The following KCNJ4 variants were observed in gnomAD, a reference collection of about 807,000 sequenced individuals.
KCNJ4 encodes potassium inwardly rectifying channel subfamily J member 4, also known as inward rectifier potassium channel 4.
A neutral mutation model predicts 25.6 loss-of-function variants in KCNJ4; 3 were observed. That is an observed-to-expected ratio of 0.12 (90% confidence interval 0.05 to 0.30). The LOEUF (loss-of-function observed/expected upper bound fraction) is 0.30. Ranked by LOEUF, KCNJ4 falls within the 10% of genes least tolerant of loss-of-function variation. The probability of loss-of-function intolerance (pLI) is 1.00; values close to 1 mark genes in which losing one functional copy is unlikely to be tolerated. For missense variants in KCNJ4, 286 were observed against 666.8 expected, an observed-to-expected ratio of 0.43 and a Z score of 6.29; for synonymous variants, 257 against 283.9, an observed-to-expected ratio of 0.91 and a Z score of 0.95.
At chr22:38,452,092 G>A (rs1270360864) in intron 1 of KCNJ4, among the ~76,000 whole-genome samples, 1 of 152,220 alleles carries the variant, frequency 6.6e-6, no homozygotes, top group Non-Finnish European at 1.5e-5. Context: ...GAGGCATGAG[G>A]CATTGAAGCC....
chr22:38,447,314 G>A (rs1271446774), intron 1 of KCNJ4, among the ~76,000 whole-genome samples: 1 of 152,186 alleles, frequency 6.6e-6, no homozygotes, highest in African/African-American at 2.4e-5. Flanking sequence ...GAACAGTGAG[G>A]AGGGACTTGA....
chr22:38,441,452 T>A (rs1055947962), intron 1 of KCNJ4, among the ~76,000 whole-genome samples: 3 of 151,420 alleles, frequency 2.0e-5, no homozygotes, highest in African/African-American at 7.3e-5. Context: ...GGGGTGGGGG[T>A]GAGGTGGTGT....
At chr22:38,450,096 G>T (rs552142070) in intron 1 of KCNJ4, among the ~76,000 whole-genome samples, 1 of 152,224 alleles carries the variant, frequency 6.6e-6, no homozygotes, top group Non-Finnish European at 1.5e-5. Flanking sequence ...TTTGAGCAGC[G>T]ATCAGCCCAC....
chr22:38,428,074 C>A lies in KCNJ4; in HGVS notation c.59G>T (p.Arg20Leu). The A allele has an allele frequency of 6.2e-7, 1 of 1,613,932 alleles. No homozygotes were observed. The highest frequency in any genetic ancestry group is 2.2e-5 in the East Asian group (1 of 44,874). Residue 20 changes from arginine to leucine, a missense_variant, in exon 2 of 2, where the codon CGC (arginine) becomes CTC (leucine). Around this residue, in one of 11 missense-constraint regions of KCNJ4, gnomAD observed 32 missense variants for 38.4 expected, o/e 0.83. Transcript: ENST00000303592. The stretch of plus-strand genomic sequence containing the variant: ...GCATTGGCCGTTCTTCTTGACGAAG[C>A]GGTTGCGGCGCTTCCGCCGGGGCAC... ...AHVPRRKRRN[R>L]FVKKNGQCNV... is the part of the protein sequence containing the mutation.
At chr22:38,450,242 C>G (rs2145949239) in intron 1 of KCNJ4, among the ~76,000 whole-genome samples, 1 of 152,254 alleles carries the variant, frequency 6.6e-6, no homozygotes, top group Non-Finnish European at 1.5e-5. Flanking sequence ...CCCTAGGATT[C>G]CCGCCTGCCC....
In KCNJ4 at chr22:38,428,171, C is replaced by A. The variant is rs780400598; in HGVS notation, c.-39G>T. 6 of 1,575,628 alleles carry A rather than the reference C, an allele frequency of 3.8e-6. No individual in the cohort carries two copies. Among genetic ancestry groups the A allele is most frequent in the African/African-American group, 1.3e-5 (1 of 74,304 alleles). Reference sequence around the variant, plus strand: ...CGTGGTCACCTGGGAAGACGCAGGGCCTGCGGAGGAGAAGCCGGACAGGTG... The same window carrying A: ...CGTGGTCACCTGGGAAGACGCAGGGACTGCGGAGGAGAAGCCGGACAGGTG... On this transcript the variant is annotated splice_region_variant and 5_prime_UTR_variant, in exon 2 of 2. Coordinates refer to ENST00000303592, the MANE Select transcript of KCNJ4 (RefSeq NM_152868.3).
rs933800339 is a variant in KCNJ4, at chr22:38,443,516, A to G, written c.-40+11464T>C. Reference sequence around the variant, plus strand: ...TGTGACTCCTCCCAGGAGGTCGCTCAGGCCTGACACCTAGGCATCATCCTC... The same window carrying G: ...TGTGACTCCTCCCAGGAGGTCGCTCGGGCCTGACACCTAGGCATCATCCTC... On this transcript the variant is annotated intron_variant, in intron 1 of 1. Coordinates refer to ENST00000303592, the MANE Select transcript of KCNJ4 (RefSeq NM_152868.3). The surrounding 1 kb of genome is among the most constrained non-coding windows in gnomAD (Gnocchi z 4.1). 6.7e-4 allele frequency among the ~76,000 whole-genome samples: 102 copies of G among 152,272 alleles called. No individual in the cohort carries two copies. Among genetic ancestry groups the G allele is most frequent in the African/African-American group, 2.4e-3 (98 of 41,548 alleles).
chr22:38,453,025 A>T (rs755457729), intron 1 of KCNJ4, among the ~76,000 whole-genome samples: 2 of 59,758 alleles, frequency 3.3e-5, no homozygotes, highest in Non-Finnish European at 6.6e-5. Context: ...CCCCCTTAGC[A>T]CTCGCCCCCG....
At chr22:38,442,481 A>C (rs1569122800) in intron 1 of KCNJ4, among the ~76,000 whole-genome samples, 1 of 137,818 alleles carries the variant, frequency 7.3e-6, no homozygotes, top group Non-Finnish European at 1.5e-5. Context: ...CGGTAGACGG[A>C]GCTTGCAGTG....
Position 38,443,155 on chromosome 22 carries a change from G to A in KCNJ4, c.-40+11825C>T, listed in dbSNP as rs927775280. Among the ~76,000 whole-genome samples the A allele has an allele frequency of 6.6e-6, 1 of 152,184 alleles. No individual in the cohort carries two copies. Among genetic ancestry groups the A allele is most frequent in the Non-Finnish European group, 1.5e-5 (1 of 68,000 alleles). ...TCTCAGCAGCTCTGATGGAGGCTCT[G>A]GACTGGCCCTCGTTTTCCTCCTTGA... On this transcript the variant is annotated intron_variant, in intron 1 of 1. Coordinates refer to ENST00000303592, the MANE Select transcript of KCNJ4 (RefSeq NM_152868.3). This position sits in a 1 kb window ranked among gnomAD's most constrained non-coding sequence, Gnocchi z 4.1.
At chr22:38,432,577 A>G (rs1004688032) in intron 1 of KCNJ4, among the ~76,000 whole-genome samples, 1 of 152,128 alleles carries the variant, frequency 6.6e-6, no homozygotes, top group Non-Finnish European at 1.5e-5. Context: ...TTTGAAGGTC[A>G]CAGAGCTTGA....
chr22:38,434,908 C>T (rs1293813521), intron 1 of KCNJ4, among the ~76,000 whole-genome samples: 1 of 152,238 alleles, frequency 6.6e-6, no homozygotes, highest in Non-Finnish European at 1.5e-5. Context: ...GTACCTTCCT[C>T]ACCAGGCCGC....
At chr22:38,446,344 G>C (rs975945794) in intron 1 of KCNJ4, among the ~76,000 whole-genome samples, 9 of 152,218 alleles carry the variant, frequency 5.9e-5, no homozygotes, top group African/African-American at 1.9e-4. Context: ...GTGTCTGTTG[G>C]GGGCAGCCTT....
In KCNJ4 at chr22:38,441,496, G is replaced by C. The variant is rs16998957; in HGVS notation, c.-39-13325C>G. 4.8e-3 allele frequency among the ~76,000 whole-genome samples: 733 copies of C among 152,296 alleles called. 7 individuals are homozygous for C. The highest frequency in any genetic ancestry group is 0.017 in the African/African-American group (702 of 41,562). On this transcript the variant is annotated intron_variant, in intron 1 of 1. Transcript: ENST00000303592. The stretch of plus-strand genomic sequence containing the variant: ...GCCCCATCCCATTGCCTCATCCTTA[G>C]CTGTCAGCAAACAAGACTCCAGGAG...
chr22:38,449,699 A>G lies in KCNJ4; in HGVS notation c.-40+5281T>C, dbSNP rs1349547289. Among the ~76,000 whole-genome samples the G allele has an allele frequency of 1.3e-5, 2 of 152,254 alleles. No individual in the cohort carries two copies. Among genetic ancestry groups the G allele is most frequent in the African/African-American group, 2.4e-5 (1 of 41,476 alleles). On this transcript the variant is annotated intron_variant, in intron 1 of 1. Coordinates refer to ENST00000303592, the MANE Select transcript of KCNJ4 (RefSeq NM_152868.3). The surrounding 1 kb of genome is among the most constrained non-coding windows in gnomAD (Gnocchi z 5.2). The stretch of plus-strand genomic sequence containing the variant: ...AACAGAGAACAGTGGTCTTAGAATC[A>G]GGCAAAACCCATCCATTCAAATCCA...
rs767497539 is a variant in KCNJ4 at position 38,427,551 on chromosome 22, C to T, written c.582G>A (p.Ser194=). The T allele has an allele frequency of 3.7e-5, 59 of 1,611,124 alleles. No homozygotes were observed. Among genetic ancestry groups the T allele is most frequent in the East Asian group, 3.6e-4 (16 of 44,796 alleles). ...TGAGGCAGAGCTTGCCGTCGCGCACCGAAATGACCGCGTGGTGGCTGAACA... is the reference window on the plus strand; with the variant it reads ...TGAGGCAGAGCTTGCCGTCGCGCACTGAAATGACCGCGTGGTGGCTGAACA... ...TLLFSHHAVI[S]VRDGKLCLMW... The change falls in exon 2 of 2, where the codon TCG becomes TCA. Residue 194 remains serine, a synonymous_variant. Coordinates refer to ENST00000303592, the MANE Select transcript of KCNJ4 (RefSeq NM_152868.3).
At chr22:38,442,533 C>A (rs1474903358) in intron 1 of KCNJ4, among the ~76,000 whole-genome samples, 5 of 109,290 alleles carry the variant, frequency 4.6e-5, no homozygotes, top group Admixed American at 1.1e-4. Flanking sequence ...GGTGACAGAG[C>A]AAGACTCCAT....
At chr22:38,439,969 C>T (rs1317230250) in intron 1 of KCNJ4, among the ~76,000 whole-genome samples, 17 of 141,414 alleles carry the variant, frequency 1.2e-4, no homozygotes, top group South Asian at 2.3e-4. Flanking sequence ...CGGGCACCTG[C>T]AGTCCCAGCT....
At chr22:38,437,780 C>T (rs994339009) in intron 1 of KCNJ4, among the ~76,000 whole-genome samples, 3 of 152,264 alleles carry the variant, frequency 2.0e-5, no homozygotes, top group Non-Finnish European at 2.9e-5. Flanking sequence ...GTCCGGAGAA[C>T]TGTATATCTT....
Sources: allele counts gnomAD v4.1 joint callset (sites outside exome capture counted in the v4.1 genomes callset), GRCh38; gene constraint gnomAD v4.1.1; regional missense constraint gnomAD v4.1.1; non-coding constraint Gnocchi (gnomAD v3.1); transcripts MANE v1.5; gene names NCBI Gene and HGNC (gene_info 2026-07-23, HGNC 2026-07-21).